The following RIF1 variants were observed in gnomAD, a reference collection of about 807,000 sequenced individuals.
The protein encoded by RIF1 is replication timing regulatory factor 1.
RIF1 carries 45 observed loss-of-function variants against 247.1 expected under a neutral mutation model. That is an observed-to-expected ratio of 0.18 (90% CI 0.14 to 0.23). The LOEUF (loss-of-function observed/expected upper bound fraction) is 0.23, where lower values mean the gene tolerates loss of function less well. RIF1 is among the 10% of genes least tolerant of loss of function. The probability of loss-of-function intolerance (pLI) is 1.00; values close to 1 mark genes in which losing one functional copy is unlikely to be tolerated. For synonymous variants in RIF1, 1,087 were observed against 978.8 expected (o/e 1.11, Z -2.06); for missense variants, 2,967 against 2,862.5 (o/e 1.04, Z -0.83).
At chr2:151,531,883 T>C in the RIF1 span, 3 of 1,576,002 alleles carry the variant, frequency 1.9e-6, no homozygotes, top group Admixed American at 5.5e-5. Flanking sequence ...TTCATAGTTT[T>C]TCCTGTATTT....
chr2:151,429,373 G>A (rs376215561), intron 9 of RIF1, among the ~76,000 whole-genome samples: 2 of 152,098 alleles, frequency 1.3e-5, no homozygotes, highest in South Asian at 4.1e-4. Context: ...TAGAGACAGG[G>A]TTTCACTATG....
chr2:151,417,078 C>G (rs1467400234), intron 6 of RIF1, among the ~76,000 whole-genome samples, 177 bp downstream of exon 6: 1 of 152,102 alleles, frequency 6.6e-6, no homozygotes, highest in African/African-American at 2.4e-5. Flanking sequence ...GTGTGGGTTA[C>G]TAGGTTTTTT....
At chr2:151,506,352 C>CA (rs1025560113) in exon 13 of RIF1, 3 of 918,874 alleles carry the variant, frequency 3.3e-6, no homozygotes, top group African/African-American at 3.3e-5. Flanking sequence ...TTTGTGAAAA[C>CA]AAGACACTAG....
At chr2:151,427,035 T>G (rs990095503) in intron 8 of RIF1, among the ~76,000 whole-genome samples, 7 of 152,180 alleles carry the variant, frequency 4.6e-5, no homozygotes, top group African/African-American at 1.7e-4. Context: ...AGTATTTCCT[T>G]TAGCTCTTAT....
In RIF1 at chr2:151,463,862, G is replaced by A. The variant is rs767342780; in HGVS notation, c.4342G>A (p.Glu1448Lys). The A allele has an allele frequency of 7.4e-6, 12 of 1,612,338 alleles. No homozygotes were observed. Among genetic ancestry groups the A allele is most frequent in the Non-Finnish European group, 1.0e-5 (12 of 1,179,646 alleles). Residue 1448 changes from glutamate to lysine, a missense_variant, in exon 30 of 36, where the codon GAA (glutamate) becomes AAA (lysine). Glu to Lys is a moderately conservative substitution (Grantham distance 56). Transcript: ENST00000444746. ...HQKKERRKEE[E>K]KPLQKSPLHI... Reference sequence around the variant, plus strand: ...AAAAAAGGAACGACGTAAGGAAGAAGAAAAACCTCTTCAGAAGAGTCCATT... The same window carrying A: ...AAAAAAGGAACGACGTAAGGAAGAAAAAAAACCTCTTCAGAAGAGTCCATT...
chr2:151,530,659 A>G, the RIF1 span: 1 of 208,210 alleles, frequency 4.8e-6, no homozygotes, highest in Non-Finnish European at 9.5e-6. Flanking sequence ...AGTCCCAGGC[A>G]TGTGGAGAGG....
chr2:151,463,504 A>G lies in RIF1; in HGVS notation c.3984A>G (p.Pro1328=). ...GCATTGTAGTCTTAGAAAATAACCC[A>G]CCTGGTTTGCTTAATCAAACAGAAT... ...VEGIVVLENN[P]PGLLNQTECV... Residue 1328 remains proline, a synonymous_variant, in exon 30 of 36, where the codon CCA becomes CCG. Coordinates refer to ENST00000444746, the MANE Select transcript of RIF1 (RefSeq NM_018151.5). The G allele has an allele frequency of 6.2e-7, 1 of 1,614,054 alleles. No individual in the cohort carries two copies. The highest frequency in any genetic ancestry group is 8.5e-7 in the Non-Finnish European group (1 of 1,179,956).
At chr2:151,496,494 G>A (rs1018680635) in intron 10 of RIF1, 1 of 1,451,714 alleles carries the variant, frequency 6.9e-7, no homozygotes, top group African/African-American at 1.4e-5. Context: ...GAAGTTATAT[G>A]CTGACAAAAT....
At chr2:151,491,733 T>C in intron 9 of RIF1, 2 of 1,598,348 alleles carry the variant, frequency 1.3e-6, no homozygotes, top group Non-Finnish European at 1.7e-6. Flanking sequence ...TGCTGGATCA[T>C]AGTCAAAAAC....
At chr2:151,497,847 A>C in intron 10 of RIF1, 2 of 1,518,570 alleles carry the variant, frequency 1.3e-6, no homozygotes, top group East Asian at 2.5e-5. Flanking sequence ...AATGCCACCG[A>C]CTACTTTAGT....
At position 151,428,826 on chromosome 2, in the gene RIF1, C is replaced by G. The variant is rs763745538; in HGVS notation, c.829C>G (p.Leu277Val). 1 of 1,597,570 alleles carries G rather than the reference C, an allele frequency of 6.3e-7. No individual in the cohort carries two copies. Among genetic ancestry groups the G allele is most frequent in the Non-Finnish European group, 8.6e-7 (1 of 1,165,296 alleles). Reference sequence around the variant, plus strand: ...GAGTTTCATCAATTCTCTCTTGCAACTAGAAGAACTTGGATTTCGTAGTGG... The same window carrying G: ...GAGTTTCATCAATTCTCTCTTGCAAGTAGAAGAACTTGGATTTCGTAGTGG... ...SGSFINSLLQ[L>V]EELGFRSGAP... The change falls in exon 9 of 36, where the codon CTA becomes GTA. Residue 277 changes from leucine to valine, a missense_variant. Leu to Val is a conservative substitution (Grantham distance 32, BLOSUM62 1). This residue lies in a region of RIF1 where 71 missense variants were observed against 132.9 expected (regional missense o/e 0.53). Transcript: ENST00000444746.
intron 10 of RIF1, chr2:151,497,487 GA>G: frequency 6.8e-7 from 1 of 1,472,322 alleles, no homozygotes; most frequent in Non-Finnish European, 8.9e-7. Flanking sequence ...TAGCCCAAAG[GA>G]AAAAAGGATA....
chr2:151,424,928 C>T (rs546696840), intron 8 of RIF1, among the ~76,000 whole-genome samples: 1 of 148,838 alleles, frequency 6.7e-6, no homozygotes, highest in East Asian at 2.0e-4. Flanking sequence ...ATCCGCCTGC[C>T]TCAGCCTCCA....
intron 8 of RIF1, chr2:151,423,879 A>G (rs1688567689): frequency 1.3e-5 from 2 of 152,174 alleles, no homozygotes; most frequent in African/African-American, 2.4e-5. Context: ...ATAATGTTGT[A>G]AGCATCACCA....
At chr2:151,486,046 A>G, downstream of RIF1, 2 of 1,102,018 alleles carry the variant, frequency 1.8e-6, no homozygotes, top group African/African-American at 1.5e-5. Flanking sequence ...GTTGAACAAA[A>G]GAGAATGTGC....
rs1367809483 is a variant in RIF1 at position 151,505,368 on chromosome 2, T to TC, written c.*862-838dup. 111 of 950,784 alleles carry TC rather than the reference T, an allele frequency of 1.2e-4. 1 individual carries two copies. The East Asian group carries it at 2.6e-3, about 22-fold the overall frequency. The allele number at this position is 950,784 out of a possible 1,614,324, so 58.9% of individuals were successfully genotyped here. A position where few individuals can be genotyped will look rare whatever the true frequency, so the allele number is the denominator to read the frequency against. On this transcript the variant is annotated intron_variant and NMD_transcript_variant, in intron 12 of 13. Transcript: ENST00000454583. ...CAAGACTAAGGGAGAATTCACAACA[T>TC]CCCCAAGGCATGGAAGCTCTTGATA... is the stretch of plus-strand genomic sequence containing the variant.
chr2:151,435,742 C>A (rs1691056291), intron 11 of RIF1, among the ~76,000 whole-genome samples, 162 bp downstream of exon 11: 1 of 150,648 alleles, frequency 6.6e-6, no homozygotes. Context: ...ACCAAAAAAT[C>A]CATTATCATG....
At chr2:151,493,527 C>T in intron 9 of RIF1, 7 of 879,116 alleles carry the variant, frequency 8.0e-6, no homozygotes, top group Middle Eastern at 2.2e-4. Flanking sequence ...TGTTATGGCT[C>T]ATGTTATGGC....
chr2:151,493,751 A>T, intron 9 of RIF1: 1 of 1,482,684 alleles, frequency 6.7e-7, no homozygotes. Context: ...GATTTTAAGG[A>T]TTTATTTTTC....
Sources: allele counts gnomAD v4.1 joint callset (sites outside exome capture counted in the v4.1 genomes callset), GRCh38; gene constraint gnomAD v4.1.1; regional missense constraint gnomAD v4.1.1; transcripts MANE v1.5; gene names NCBI Gene and HGNC (gene_info 2026-07-23, HGNC 2026-07-21).